The following HMX1 variants were observed in gnomAD, a reference collection of about 807,000 sequenced individuals.
HMX1 encodes the protein H6 family homeobox 1.
In HMX1, 8 loss-of-function variants were observed where a neutral mutation model predicts 8.9. The ratio of observed to expected loss-of-function variants is 0.90; its 90% CI spans 0.53 to 1.63. HMX1 has a LOEUF of 1.63. Among genes scored for constraint, HMX1 ranks in the 40% most tolerant of loss-of-function variants. The pLI is 0.00. For missense variants in HMX1, 621 were observed against 558.5 expected (o/e 1.11, Z -1.13); for synonymous variants, 311 against 283.4 (o/e 1.10, Z -0.98).
chr4:8,867,318 C>CCGGTT lies in HMX1; in HGVS notation c.*370_*374dup, dbSNP rs1722032732. On this transcript the variant is annotated 3_prime_UTR_variant, in exon 2 of 2. Coordinates refer to ENST00000400677, the MANE Select transcript of HMX1 (RefSeq NM_018942.3). ...ACAGTCACCGCTCAGCCTTGGACAG[C>CCGGTT]CGGTTCGTAGTTTTCCTTTGTTGCG... The CCGGTT allele has an allele frequency of 1.0e-6, 1 of 994,114 alleles. No homozygotes were observed. The allele number at this position is 994,114 out of a possible 1,614,324, so 61.6% of individuals were successfully genotyped here. A position where few individuals can be genotyped will look rare whatever the true frequency, so the allele number is the denominator to read the frequency against.
In HMX1 at chr4:8,871,783, G is replaced by C. The variant is rs1027496757; in HGVS notation, c.-169C>G. The C allele has an allele frequency of 5.7e-6, 5 of 883,580 alleles. No homozygotes were observed. Among genetic ancestry groups the C allele is most frequent in the Non-Finnish European group, 6.8e-6 (5 of 736,098 alleles). 54.7% of individuals were successfully genotyped at this position (883,580 alleles called of 1,614,324 possible). A position where few individuals can be genotyped will look rare whatever the true frequency, so the allele number is the denominator to read the frequency against. ...CCTCCGCGCCGGGCTGGGCTGGGCC[G>C]GGCCGGGAGCGAGTGCGCGCCGACA... On this transcript the variant is annotated 5_prime_UTR_variant, in exon 1 of 2. Transcript: ENST00000400677. This position sits in a 1 kb window ranked among gnomAD's most constrained non-coding sequence, Gnocchi z 4.8.
Position 8,853,018 on chromosome 4 carries a change from C to T in HMX1, c.395-6694G>A, listed in dbSNP as rs1223540489. On this transcript the variant is annotated intron_variant, in intron 1 of 1. Transcript: ENST00000506970. The surrounding 1 kb of genome is among the most constrained non-coding windows in gnomAD (Gnocchi z 4.7). ...AAAAAAAGCAAGATAGAAGGAGTCC[C>T]TGGGTTCCTGGCCACACTAGCCCTG... 6.6e-6 allele frequency among the ~76,000 whole-genome samples: 1 copy of T among 152,064 alleles called. No individual in the cohort carries two copies. Among genetic ancestry groups the T allele is most frequent in the Non-Finnish European group, 1.5e-5 (1 of 67,998 alleles).
rs1381769484 is a variant in HMX1 at position 8,871,735 on chromosome 4, G to C, written c.-121C>G. 5 of 1,024,904 alleles carry C rather than the reference G, an allele frequency of 4.9e-6. No individual in the cohort carries two copies. The East Asian group carries it at 2.5e-4, about 52-fold the overall frequency. 63.5% of individuals were successfully genotyped at this position (1,024,904 alleles called of 1,614,324 possible). On this transcript the variant is annotated 5_prime_UTR_variant, in exon 1 of 2. Transcript: ENST00000400677. The surrounding 1 kb of genome is among the most constrained non-coding windows in gnomAD (Gnocchi z 4.8). Reference sequence around the variant, plus strand: ...AGCTGCTACCCGGACCGCTGGCGTCGGGCCCCGCAGGGCAGGCGGCGGCCT... The same window carrying C: ...AGCTGCTACCCGGACCGCTGGCGTCCGGCCCCGCAGGGCAGGCGGCGGCCT...
downstream of HMX1, chr4:8,866,992 G>T: frequency 1.2e-6 from 1 of 851,706 alleles, no homozygotes; most frequent in Non-Finnish European, 1.4e-6. Context: ...AGGAGGGACG[G>T]CACCCAGCGC....
intron 1 of HMX1, among the ~76,000 whole-genome samples, chr4:8,855,604 G>C (rs1355897948): frequency 1.3e-5 from 2 of 152,146 alleles, no homozygotes. Flanking sequence ...CTCTCACCTG[G>C]CACTTAGCAA....
chr4:8,857,790 G>A (rs948924965), intron 1 of HMX1, among the ~76,000 whole-genome samples: 1 of 152,080 alleles, frequency 6.6e-6, no homozygotes, highest in Non-Finnish European at 1.5e-5. Context: ...ATCCCAAACT[G>A]CCGCAGCCCC....
intron 1 of HMX1, among the ~76,000 whole-genome samples, chr4:8,854,453 A>G (rs1287985283): frequency 6.6e-6 from 1 of 152,242 alleles, no homozygotes; most frequent in Admixed American, 6.5e-5. Flanking sequence ...GTTAAACTTC[A>G]CATGGATTAA....
downstream of HMX1, among the ~76,000 whole-genome samples, chr4:8,863,621 G>C (rs914291224): frequency 6.7e-5 from 10 of 150,326 alleles, no homozygotes; most frequent in African/African-American, 2.5e-4. Context: ...GGCCAAGCTG[G>C]GTGGAGCGCG....
intron 1 of HMX1, among the ~76,000 whole-genome samples, chr4:8,861,065 A>G (rs1721794585): frequency 6.6e-6 from 1 of 151,548 alleles, no homozygotes; most frequent in South Asian, 2.1e-4. Flanking sequence ...GAGACGGTGA[A>G]GAGGCGGGGC....
Position 8,868,393 on chromosome 4 carries a change from C to T in HMX1, c.395-48G>A. 1 of 1,270,826 alleles carries T rather than the reference C, an allele frequency of 7.9e-7. No homozygotes were observed. The highest frequency in any genetic ancestry group is 1.6e-5 in the African/African-American group (1 of 64,068). The allele number at this position is 1,270,826 out of a possible 1,614,324, so 78.7% of individuals were successfully genotyped here. A position where few individuals can be genotyped will look rare whatever the true frequency, so the allele number is the denominator to read the frequency against. On this transcript the variant is annotated intron_variant, in intron 1 of 1. Coordinates refer to ENST00000400677, the MANE Select transcript of HMX1 (RefSeq NM_018942.3). The surrounding 1 kb of genome is among the most constrained non-coding windows in gnomAD (Gnocchi z 4.6). ...CCGTTGGTTCTAGGGCACTGATTACCAGACTCAATCACTGAGGCCAGCCGT... is the reference window on the plus strand; with the variant it reads ...CCGTTGGTTCTAGGGCACTGATTACTAGACTCAATCACTGAGGCCAGCCGT...
intron 1 of HMX1, among the ~76,000 whole-genome samples, chr4:8,859,704 C>A (rs530746074): frequency 6.6e-6 from 1 of 152,234 alleles, no homozygotes; most frequent in African/African-American, 2.4e-5. Context: ...TACACACGTG[C>A]GTGGTCTATG....
downstream of HMX1, among the ~76,000 whole-genome samples, chr4:8,864,511 G>A (rs1044282070): frequency 1.2e-4 from 19 of 152,220 alleles, no homozygotes; most frequent in Non-Finnish European, 2.1e-4. Flanking sequence ...TGGAGCCAAC[G>A]CGCTCGAGGT....
chr4:8,851,273 C>T (rs1295930913), intron 1 of HMX1, among the ~76,000 whole-genome samples: 1 of 152,216 alleles, frequency 6.6e-6, no homozygotes, highest in Non-Finnish European at 1.5e-5. Context: ...GAATGGCCCC[C>T]ACTCCCATCC....
chr4:8,862,919 C>T (rs559308605), downstream of HMX1, among the ~76,000 whole-genome samples: 2 of 152,288 alleles, frequency 1.3e-5, no homozygotes, highest in East Asian at 1.9e-4. Flanking sequence ...ACAGGGCTGT[C>T]CCCTCTCCGG....
In HMX1 at chr4:8,849,466, G is replaced by T. The variant is rs546089104; in HGVS notation, c.395-3142C>A. Among the ~76,000 whole-genome samples, 1 of 152,168 alleles carries T rather than the reference G, an allele frequency of 6.6e-6. No individual in the cohort carries two copies. The highest frequency in any genetic ancestry group is 2.1e-4 in the South Asian group (1 of 4,820). ...CCAGATGCCATCAGAAGCTGGAGGGGGCAGGAAGGGCTCTCCTCTAGAGCC... is the reference window on the plus strand; with the variant it reads ...CCAGATGCCATCAGAAGCTGGAGGGTGCAGGAAGGGCTCTCCTCTAGAGCC... On this transcript the variant is annotated intron_variant, in intron 1 of 1. Coordinates refer to the HMX1 transcript ENST00000506970. The surrounding 1 kb of genome is among the most constrained non-coding windows in gnomAD (Gnocchi z 6.6).
In HMX1 at chr4:8,847,974, C is replaced by T. The variant is rs1034627348; in HGVS notation, c.395-1650G>A. On this transcript the variant is annotated intron_variant, in intron 1 of 1. Transcript: ENST00000506970. The surrounding 1 kb of genome is among the most constrained non-coding windows in gnomAD (Gnocchi z 6.0). ...TGGAACAGGCTCCGACTCCCTGGAG[C>T]GCCAGGTCCAGGGTGACATCTGAGC... Among the ~76,000 whole-genome samples the T allele has an allele frequency of 3.3e-5, 5 of 152,096 alleles. No individual in the cohort carries two copies. Among genetic ancestry groups the T allele is most frequent in the East Asian group, 1.9e-4 (1 of 5,184 alleles).
intron 1 of HMX1, among the ~76,000 whole-genome samples, chr4:8,859,317 G>A (rs1366514984): frequency 6.6e-6 from 1 of 152,098 alleles, no homozygotes; most frequent in African/African-American, 2.4e-5. Context: ...CATCCCGTTA[G>A]CACGATTTCT....
In HMX1 at chr4:8,867,741, GGC is replaced by G; in HGVS notation, c.997_998del (p.Ala333ArgfsTer46). ...ALAYPLAAFPAAASVPFLRAQ... is the reference protein window; with the variant it reads ...ALAYPLAAFPXAASVPFLRAQ... Reference sequence around the variant, plus strand: ...CCCGCAGAAAGGGCACGGAGGCGGCGGCCGGGAAGGCGGCCAGCGGGTAGGCG... The same window carrying G: ...CCCGCAGAAAGGGCACGGAGGCGGCGCGGGAAGGCGGCCAGCGGGTAGGCG... On this transcript the variant is annotated frameshift_variant, in exon 2 of 2. Transcript: ENST00000400677. LOFTEE classifies it low-confidence loss of function (END_TRUNC). 7.7e-7 allele frequency: 1 copy of G among 1,290,864 alleles called. No individual in the cohort carries two copies. Among genetic ancestry groups the G allele is most frequent in the Non-Finnish European group, 9.8e-7 (1 of 1,022,924 alleles). 80.0% of individuals were successfully genotyped at this position (1,290,864 alleles called of 1,614,324 possible). A position where few individuals can be genotyped will look rare whatever the true frequency, so the allele number is the denominator to read the frequency against.
At chr4:8,860,881 G>C (rs1007131863) in intron 1 of HMX1, 2 of 152,226 alleles carry the variant, frequency 1.3e-5, no homozygotes, top group Non-Finnish European at 2.9e-5. Context: ...GAAGTGGCGA[G>C]GTGAGAACTG....
Sources: gnomAD v4.1 joint callset for allele counts (sites outside exome capture counted in the v4.1 genomes callset) on GRCh38, gnomAD v4.1.1 for gene constraint, Gnocchi (gnomAD v3.1) non-coding constraint, MANE v1.5 for transcripts, NCBI Gene and HGNC (gene_info 2026-07-23, HGNC 2026-07-21) for gene names.